Variants in INPP1 observed in about 807,000 individuals in gnomAD.
INPP1 encodes inositol polyphosphate-1-phosphatase.
A neutral mutation model predicts 23.0 loss-of-function variants in INPP1; 18 were observed. The ratio of observed to expected loss-of-function variants is 0.78; its 90% CI spans 0.54 to 1.16. The LOEUF (loss-of-function observed/expected upper bound fraction) is 1.16, where lower values mean the gene tolerates loss of function less well. Among genes scored for constraint, INPP1 ranks in the 50% most tolerant of loss-of-function variants. The probability of loss-of-function intolerance (pLI) is 0.00; values close to 1 mark genes in which losing one functional copy is unlikely to be tolerated. For synonymous variants in INPP1, 164 were observed against 176.3 expected, an observed-to-expected ratio of 0.93 and a Z score of 0.55; for missense variants, 448 against 482.1, an observed-to-expected ratio of 0.93 and a Z score of 0.66.
rs1028756248 is a variant in INPP1 at position 190,346,967 on chromosome 2, A to G, written c.-208-1921A>G. Reference sequence around the variant, plus strand: ...TCCATGTGCCTGATTAAATAATTATAGGCAAGACAGGCATGCAAATTTGAA... The same window carrying G: ...TCCATGTGCCTGATTAAATAATTATGGGCAAGACAGGCATGCAAATTTGAA... On this transcript the variant is annotated intron_variant, in intron 1 of 6. Coordinates refer to ENST00000392329, the MANE Select transcript of INPP1 (RefSeq NM_001128928.2). The surrounding 1 kb of genome is among the most constrained non-coding windows in gnomAD (Gnocchi z 5.1). 1.3e-5 allele frequency among the ~76,000 whole-genome samples: 2 copies of G among 149,502 alleles called. No homozygotes were observed. The highest frequency in any genetic ancestry group is 4.9e-5 in the African/African-American group (2 of 40,756).
At position 190,354,732 on chromosome 2, in the gene INPP1, G is replaced by A. The variant is rs888749077; in HGVS notation, c.-64-5307G>A. On this transcript the variant is annotated intron_variant, in intron 2 of 6. Coordinates refer to ENST00000392329, the MANE Select transcript of INPP1 (RefSeq NM_001128928.2). The surrounding 1 kb of genome is among the most constrained non-coding windows in gnomAD (Gnocchi z 4.8). ...ACTAACACCAGAAGAATTAGGTATTGGGCATGCCCCCTGCCATCAATGCCA... is the reference window on the plus strand; with the variant it reads ...ACTAACACCAGAAGAATTAGGTATTAGGCATGCCCCCTGCCATCAATGCCA... Among the ~76,000 whole-genome samples the A allele has an allele frequency of 6.6e-6, 1 of 152,204 alleles. No homozygotes were observed. Among genetic ancestry groups the A allele is most frequent in the Non-Finnish European group, 1.5e-5 (1 of 68,040 alleles).
In INPP1 at chr2:190,371,189, G is replaced by A. The variant is rs1227423241; in HGVS notation, c.987G>A (p.Gly329=). Residue 329 remains glycine (G), a synonymous_variant, in exon 7 of 7, where the codon GGG becomes GGA. Coordinates refer to ENST00000392329, the MANE Select transcript of INPP1 (RefSeq NM_001128928.2). This position sits in a 1 kb window ranked among gnomAD's most constrained non-coding sequence, Gnocchi z 5.3. ...AAHAILRAMG[G]GIVDLKECLE... ...ATGCCATACTGAGGGCCATGGGTGG[G>A]GGAATAGTAGACTTGAAAGAATGCT... is the stretch of plus-strand genomic sequence containing the variant. The A allele has an allele frequency of 1.2e-6, 2 of 1,613,910 alleles. No homozygotes were observed. The highest frequency in any genetic ancestry group is 8.5e-7 in the Non-Finnish European group (1 of 1,179,910).
At chr2:190,351,872 T>C (rs968911295) in intron 2 of INPP1, among the ~76,000 whole-genome samples, 2 of 152,230 alleles carry the variant, frequency 1.3e-5, no homozygotes, top group African/African-American at 4.8e-5. Context: ...AGTCAACAAA[T>C]TACAAATAGT....
At position 190,345,617 on chromosome 2, in the gene INPP1, C is replaced by T. The variant is rs975690923; in HGVS notation, c.-209+1656C>T. 6.6e-6 allele frequency: 1 copy of T among 152,170 alleles called. No individual in the cohort carries two copies. The highest frequency in any genetic ancestry group is 2.4e-5 in the African/African-American group (1 of 41,428). 9.4% of individuals were successfully genotyped at this position (152,170 alleles called of 1,614,324 possible). A position where few individuals can be genotyped will look rare whatever the true frequency, so the allele number is the denominator to read the frequency against. ...TAAGCACTTTTTCCCGATGTGAGTC[C>T]TTATGAATGTTCTTGTTAAAATACT... On this transcript the variant is annotated intron_variant, in intron 1 of 6. Transcript: ENST00000392329. This position sits in a 1 kb window ranked among gnomAD's most constrained non-coding sequence, Gnocchi z 4.9.
Position 190,354,891 on chromosome 2 carries a change from T to C in INPP1, c.-64-5148T>C, listed in dbSNP as rs1041285774. Among the ~76,000 whole-genome samples, 1 of 151,030 alleles carries C rather than the reference T, an allele frequency of 6.6e-6. No individual in the cohort carries two copies. Among genetic ancestry groups the C allele is most frequent in the African/African-American group, 2.4e-5 (1 of 40,828 alleles). Reference sequence around the variant, plus strand: ...AAAAGGGAAGTCAAATAGTGACGTATAATGATCAAACCTAGTGACAGATAT... The same window carrying C: ...AAAAGGGAAGTCAAATAGTGACGTACAATGATCAAACCTAGTGACAGATAT... On this transcript the variant is annotated intron_variant, in intron 2 of 6. Transcript: ENST00000392329. This position sits in a 1 kb window ranked among gnomAD's most constrained non-coding sequence, Gnocchi z 4.8.
Position 190,368,851 on chromosome 2 carries a change from C to A in INPP1, c.467-252C>A. Reference sequence around the variant, plus strand: ...TGATAAGTAACAAATATTTGAATGCCTGTTATATACAAATTGCTATGCCAC... The same window carrying A: ...TGATAAGTAACAAATATTTGAATGCATGTTATATACAAATTGCTATGCCAC... On this transcript the variant is annotated intron_variant, in intron 5 of 6. Coordinates refer to ENST00000392329, the MANE Select transcript of INPP1 (RefSeq NM_001128928.2). This position sits in a 1 kb window ranked among gnomAD's most constrained non-coding sequence, Gnocchi z 4.3. 1 of 274,966 alleles carries A rather than the reference C, an allele frequency of 3.6e-6. No individual in the cohort carries two copies. The highest frequency in any genetic ancestry group is 6.8e-6 in the Non-Finnish European group (1 of 147,774). 17.0% of individuals were successfully genotyped at this position (274,966 alleles called of 1,614,324 possible). A position where few individuals can be genotyped will look rare whatever the true frequency, so the allele number is the denominator to read the frequency against.
At position 190,369,271 on chromosome 2, in the gene INPP1, C is replaced by A. The variant is rs1239545876; in HGVS notation, c.635C>A (p.Thr212Asn). 3.2e-6 allele frequency: 5 copies of A among 1,571,222 alleles called. No individual in the cohort carries two copies. The Admixed American group carries it at 8.7e-5, about 27-fold the overall frequency. Residue 212 changes from threonine to asparagine, a missense_variant, in exon 6 of 7, where the codon ACC (threonine) becomes AAC (asparagine). Physicochemically the swap from Thr to Asn is moderately conservative, Grantham distance 65. Coordinates refer to ENST00000392329, the MANE Select transcript of INPP1 (RefSeq NM_001128928.2). ...CCTTTTGTGTCACGAGATCCAAACA[C>A]CCTCAGGTAAAAGGCAAATATTTTT... The part of the protein sequence containing the change: ...NQPFVSRDPN[T>N]LRWKGQCYWG...
chr2:190,371,184 G>C lies in INPP1; in HGVS notation c.982G>C (p.Gly328Arg). The C allele has an allele frequency of 6.2e-7, 1 of 1,614,096 alleles. No individual in the cohort carries two copies. Among genetic ancestry groups the C allele is most frequent in the Non-Finnish European group, 8.5e-7 (1 of 1,179,996 alleles). Residue 328 changes from glycine (G) to arginine (R), a missense_variant, in exon 7 of 7, where the codon GGT (glycine) becomes CGT (arginine). Gly to Arg is a moderately radical substitution (Grantham distance 125, BLOSUM62 -2). Coordinates refer to ENST00000392329, the MANE Select transcript of INPP1 (RefSeq NM_001128928.2). The surrounding 1 kb of genome is among the most constrained non-coding windows in gnomAD (Gnocchi z 5.3). ...CAAHAILRAM[G>R]GGIVDLKECL... The stretch of plus-strand genomic sequence containing the variant: ...TGCTCATGCCATACTGAGGGCCATG[G>C]GTGGGGGAATAGTAGACTTGAAAGA...
Position 190,346,997 on chromosome 2 carries a change from T to G in INPP1, c.-208-1891T>G, listed in dbSNP as rs954003425. ...AGACAGGCATGCAAATTTGAATACC[T>G]TATTAGTAGCTTTTTTTTTTTTTTT... On this transcript the variant is annotated intron_variant, in intron 1 of 6. Coordinates refer to ENST00000392329, the MANE Select transcript of INPP1 (RefSeq NM_001128928.2). The surrounding 1 kb of genome is among the most constrained non-coding windows in gnomAD (Gnocchi z 5.1). Among the ~76,000 whole-genome samples, 2 of 151,382 alleles carry G rather than the reference T, an allele frequency of 1.3e-5. No individual in the cohort carries two copies. The highest frequency in any genetic ancestry group is 6.6e-5 in the Admixed American group (1 of 15,198).
rs12990905 is a variant in INPP1, at chr2:190,368,292, A to C, written c.467-811A>C. ...CGTCAGCAGTCAGCTGCTGGCATGT[A>C]CATCTCTTAAGGGGAAACCTAGTTT... On this transcript the variant is annotated intron_variant, in intron 5 of 6. Transcript: ENST00000392329. The surrounding 1 kb of genome is among the most constrained non-coding windows in gnomAD (Gnocchi z 4.3). Among the ~76,000 whole-genome samples, 26,555 of 152,090 alleles carry C rather than the reference A, an allele frequency of 0.17. 2,804 individuals carry two copies. The highest frequency in any genetic ancestry group is 0.28 in the African/African-American group (11,719 of 41,472).
chr2:190,366,233 C>T (rs1689662110), intron 4 of INPP1, among the ~76,000 whole-genome samples: 1 of 150,756 alleles, frequency 6.6e-6, no homozygotes, highest in Admixed American at 6.6e-5. Flanking sequence ...CTCTTGCTTG[C>T]TCTCTGTCTC....
chr2:190,352,547 C>T lies in INPP1; in HGVS notation c.-65+3516C>T, dbSNP rs576307560. On this transcript the variant is annotated intron_variant, in intron 2 of 6. Transcript: ENST00000392329. This position sits in a 1 kb window ranked among gnomAD's most constrained non-coding sequence, Gnocchi z 4.7. ...CTCACAGGAATCTCAGGGGAGGCTA[C>T]CATTAGCAAGTGACACAACACAGCG... Among the ~76,000 whole-genome samples the T allele has an allele frequency of 2.0e-5, 3 of 152,172 alleles. No individual in the cohort carries two copies. Among genetic ancestry groups the T allele is most frequent in the African/African-American group, 7.2e-5 (3 of 41,448 alleles).
chr2:190,347,397 A>G (rs1420805536), intron 1 of INPP1, among the ~76,000 whole-genome samples: 5 of 152,168 alleles, frequency 3.3e-5, no homozygotes, highest in Non-Finnish European at 1.5e-5. Flanking sequence ...TTGGTCAGTT[A>G]TATATAAAAA....
chr2:190,363,790 CACAA>C lies in INPP1; in HGVS notation c.265+1107_265+1110del, dbSNP rs1322213290. Among the ~76,000 whole-genome samples, 4 of 152,188 alleles carry C rather than the reference CACAA, an allele frequency of 2.6e-5. No homozygotes were observed. Among genetic ancestry groups the C allele is most frequent in the Admixed American group, 1.3e-4 (2 of 15,280 alleles). ...TTTAAAAATCTACGCTTGACTACTT[CACAA>C]ACAGCTATTTTAATACATCATTTGT... On this transcript the variant is annotated intron_variant, in intron 4 of 6. Transcript: ENST00000392329. This position sits in a 1 kb window ranked among gnomAD's most constrained non-coding sequence, Gnocchi z 4.4.
At chr2:190,357,577 TGTATA>T (rs1483187149) in intron 2 of INPP1, among the ~76,000 whole-genome samples, 2 of 152,262 alleles carry the variant, frequency 1.3e-5, no homozygotes, top group Non-Finnish European at 1.5e-5. Flanking sequence ...TTTTACCAAC[TGTATA>T]GTATTTTGTT....
At chr2:190,369,300 A>G in intron 6 of INPP1, 23 bp downstream of exon 6, 1 of 1,484,944 alleles carries the variant, frequency 6.7e-7, no homozygotes, top group Non-Finnish European at 9.2e-7. Flanking sequence ...TATTTTTGGT[A>G]TATTATGGTT....
intron 2 of INPP1, among the ~76,000 whole-genome samples, chr2:190,358,731 G>A (rs370769300): frequency 2.0e-5 from 3 of 152,128 alleles, no homozygotes; most frequent in East Asian, 3.9e-4. Context: ...CCAGTAAGAG[G>A]TAGCTATTAT....
intron 1 of INPP1, among the ~76,000 whole-genome samples, chr2:190,344,550 T>C (rs568517129): frequency 3.9e-5 from 6 of 152,240 alleles, no homozygotes; most frequent in Non-Finnish European, 8.8e-5. Flanking sequence ...TAATTCTCTC[T>C]GCATTTTGAA....
intron 2 of INPP1, chr2:190,359,787 T>G (rs1218293594): frequency 3.3e-6 from 1 of 299,912 alleles, no homozygotes; most frequent in African/African-American, 2.2e-5. Flanking sequence ...CATTCAAAGA[T>G]TTTTCTGTCA....
Sources: gnomAD v4.1 joint callset for allele counts (sites outside exome capture counted in the v4.1 genomes callset) on GRCh38, gnomAD v4.1.1 for gene constraint, Gnocchi (gnomAD v3.1) non-coding constraint, MANE v1.5 for transcripts, NCBI Gene and HGNC (gene_info 2026-07-23, HGNC 2026-07-21) for gene names.